LASP1NB: variants seen among roughly 807,000 people sequenced by gnomAD.
The protein encoded by LASP1NB is LASP1 neighbor protein.
the LASP1NB span, chr17:38,927,097 T>TGTGTGTGTGTGTGTGTGTGTGC: frequency 3.2e-5 from 2 of 62,750 alleles, no homozygotes; most frequent in Non-Finnish European, 7.4e-5. Context: ...CCAAAATGAG[T>TGTGTGTGTGTGTGTGTGTGTGC]GTGTGTGTGT....
the LASP1NB span, chr17:38,927,494 C>T: frequency 3.9e-5 from 6 of 152,058 alleles, no homozygotes; most frequent in Non-Finnish European, 7.3e-5. Flanking sequence ...GCCTGTAGTC[C>T]CAGCTACCCG....
chr17:38,928,677 C>T, the LASP1NB span: 1 of 152,180 alleles, frequency 6.6e-6, no homozygotes, highest in African/African-American at 2.4e-5. Flanking sequence ...TACATGGATG[C>T]AAGCAGCATG....
At chr17:38,926,459 A>C in the LASP1NB span, 63 of 152,178 alleles carry the variant, frequency 4.1e-4, no homozygotes, top group African/African-American at 1.5e-3. Context: ...TCATCCACAG[A>C]AGCAGTCCTA....
the LASP1NB span, chr17:38,929,298 C>G: frequency 1.3e-5 from 2 of 151,804 alleles, no homozygotes; most frequent in African/African-American, 4.8e-5. Flanking sequence ...AAAAAGTTAC[C>G]TCTGTAATAT....
the LASP1NB span, chr17:38,927,344 C>T: frequency 6.6e-6 from 1 of 152,218 alleles, no homozygotes; most frequent in Non-Finnish European, 1.5e-5. Context: ...GGAGTGGTGG[C>T]TCATGCCTGT....
the LASP1NB span, chr17:38,928,915 T>C: frequency 6.6e-6 from 1 of 152,340 alleles, no homozygotes; most frequent in East Asian, 1.9e-4. Context: ...ATCTTTAAAG[T>C]ATAGTCTAAC....
the LASP1NB span, chr17:38,928,153 C>T: frequency 6.6e-6 from 1 of 152,116 alleles, no homozygotes; most frequent in African/African-American, 2.4e-5. Context: ...GTCATTTAAA[C>T]TTTAGGGCTA....
the LASP1NB span, chr17:38,925,970 A>C: frequency 3.4e-5 from 13 of 380,794 alleles, no homozygotes; most frequent in South Asian, 5.8e-4. Context: ...CACTCTGAAA[A>C]GAATAAGAAA....
At chr17:38,928,259 A>G in the LASP1NB span, 2 of 152,170 alleles carry the variant, frequency 1.3e-5, no homozygotes, top group Middle Eastern at 3.2e-3. Flanking sequence ...CAGCCCAGGC[A>G]ATATAGCGAG....
At chr17:38,927,978 G>A in the LASP1NB span, 1 of 151,844 alleles carries the variant, frequency 6.6e-6, no homozygotes, top group Non-Finnish European at 1.5e-5. Context: ...GGAGGCAGAG[G>A]TTGCAGTGAG....
chr17:38,925,826 A>C, the LASP1NB span: 6 of 398,268 alleles, frequency 1.5e-5, no homozygotes, highest in Non-Finnish European at 2.7e-5. Flanking sequence ...GGAAGGATGG[A>C]GATGAATGGC....
chr17:38,926,200 A>G, the LASP1NB span, among the ~76,000 whole-genome samples: 1 of 152,232 alleles, frequency 6.6e-6, no homozygotes, highest in South Asian at 2.1e-4. Flanking sequence ...GCATGTCAGC[A>G]TACTTGCAAT....
At chr17:38,925,806 CAGCT>C in the LASP1NB span, 2 of 398,558 alleles carry the variant, frequency 5.0e-6, no homozygotes, top group Non-Finnish European at 8.8e-6. Context: ...TGCTGGAGAA[CAGCT>C]CAGAAGGAAG....
chr17:38,927,635 A>G, the LASP1NB span: 1 of 152,280 alleles, frequency 6.6e-6, no homozygotes, highest in East Asian at 1.9e-4. Context: ...AAATAAATAA[A>G]TAAACAAGGA....
the LASP1NB span, chr17:38,928,957 G>A: frequency 2.0e-5 from 3 of 152,048 alleles, no homozygotes; most frequent in Non-Finnish European, 4.4e-5. Context: ...TGACATCAAG[G>A]CTTCTCAGTC....
the LASP1NB span, chr17:38,925,847 G>T: frequency 5.0e-6 from 2 of 397,942 alleles, no homozygotes; most frequent in Non-Finnish European, 8.9e-6. Flanking sequence ...CGAGTGCCCT[G>T]CTTGCTGACG....
the LASP1NB span, chr17:38,926,724 G>T: frequency 1.3e-5 from 2 of 152,158 alleles, no homozygotes; most frequent in African/African-American, 4.8e-5. Context: ...AGTTTCCTTA[G>T]ATCTAAATGC....
chr17:38,926,840 A>C, the LASP1NB span: 1 of 152,072 alleles, frequency 6.6e-6, no homozygotes, highest in Non-Finnish European at 1.5e-5. Context: ...TGAAGTAGTC[A>C]CTTTATCACT....
the LASP1NB span, chr17:38,927,104 G>C: frequency 1.3e-5 from 2 of 150,168 alleles, no homozygotes; most frequent in Non-Finnish European, 2.9e-5. Context: ...GAGTGTGTGT[G>C]TGTGTGTGTG....
Sources: allele counts gnomAD v4.1 joint callset (sites outside exome capture counted in the v4.1 genomes callset), GRCh38; gene constraint gnomAD v4.1.1; transcripts MANE v1.5; gene names NCBI Gene and HGNC (gene_info 2026-07-23, HGNC 2026-07-21).